NR4A1: variants seen among roughly 807,000 people sequenced by gnomAD.
The protein encoded by NR4A1 is nuclear receptor subfamily 4immunitygroup A member 1.
NR4A1 carries 24 observed loss-of-function variants against 47.5 expected under a neutral mutation model. The ratio of observed to expected loss-of-function variants is 0.50; its 90% CI spans 0.37 to 0.71. NR4A1 has a LOEUF of 0.71. NR4A1 is among the 30% of genes least tolerant of loss of function. The pLI is 0.00. For missense variants in NR4A1, 669 were observed against 788.6 expected (o/e 0.85, Z 1.82); for synonymous variants, 353 against 345.7 (o/e 1.02, Z -0.24).
In NR4A1 at chr12:52,053,946, ACCCTTCTCCCGGCCCCCACCATGCCTTC is replaced by A. The variant is rs1397126578; in HGVS notation, c.-2-377_-2-350del. ...CTTTGCTGGGCTGCCTCTCCCACTC[ACCCTTCTCCCGGCCCCCACCATGCCTTC>A]CCCATGGGGGAGGGGCAGGGGGCTG... On this transcript the variant is annotated intron_variant, in intron 1 of 6. Transcript: ENST00000394825. 12 of 218,784 alleles carry A rather than the reference ACCCTTCTCCCGGCCCCCACCATGCCTTC, an allele frequency of 5.5e-5. No individual in the cohort carries two copies. The South Asian group carries it at 9.0e-4, about 16-fold the overall frequency. 13.6% of individuals were successfully genotyped at this position (218,784 alleles called of 1,614,324 possible).
intron 1 of NR4A1, chr12:52,052,685 G>C (rs915431198): frequency 7.0e-5 from 69 of 983,464 alleles, no homozygotes; most frequent in South Asian, 1.9e-4. Context: ...CTGCATGAAG[G>C]GGGAGGGACT....
At chr12:52,034,856 AAGTCCTCCT>A (rs1180147021) in intron 1 of NR4A1, among the ~76,000 whole-genome samples, 1 of 152,218 alleles carries the variant, frequency 6.6e-6, no homozygotes, top group African/African-American at 2.4e-5. Context: ...CAAGTCCTCC[AAGTCCTCCT>A]GTATGGAAAT....
chr12:52,059,444 T>C lies in NR4A1; in HGVS notation c.*500T>C, dbSNP rs1042491810. 4 of 152,886 alleles carry C rather than the reference T, an allele frequency of 2.6e-5. No homozygotes were observed. The highest frequency in any genetic ancestry group is 7.2e-5 in the African/African-American group (3 of 41,466). The allele number at this position is 152,886 out of a possible 1,614,324, so 9.5% of individuals were successfully genotyped here. A position where few individuals can be genotyped will look rare whatever the true frequency, so the allele number is the denominator to read the frequency against. On this transcript the variant is annotated 3_prime_UTR_variant, in exon 7 of 7. Coordinates refer to ENST00000394825, the MANE Select transcript of NR4A1 (RefSeq NM_173157.3). ...TGTGTATTTTCCTGGATTTATAGTA[T>C]GTGACTTTTCTGATTAATATATTTA...
At chr12:52,058,544 T>C (rs1259639989) in intron 6 of NR4A1, 144 bp from the exon 7 acceptor site, 2 of 1,066,110 alleles carry the variant, frequency 1.9e-6, no homozygotes, top group Non-Finnish European at 2.6e-6. Context: ...TGCTTACTAA[T>C]GGCCAACATG....
At chr12:52,043,983 T>G in intron 2 of NR4A1, 2 of 1,250,116 alleles carry the variant, frequency 1.6e-6, no homozygotes, top group Non-Finnish European at 1.0e-6. Flanking sequence ...GTGACTGTCA[T>G]GCCAAACCCT....
chr12:52,023,378 T>C (rs1288050574), intron 1 of NR4A1, among the ~76,000 whole-genome samples: 1 of 151,844 alleles, frequency 6.6e-6, no homozygotes, highest in East Asian at 2.0e-4. Context: ...CCGCCGCGAG[T>C]GGGGTGGGAG....
intron 1 of NR4A1, among the ~76,000 whole-genome samples, chr12:52,023,727 C>G (rs1202335055): frequency 6.6e-6 from 1 of 152,172 alleles, no homozygotes; most frequent in Non-Finnish European, 1.5e-5. Flanking sequence ...CCCGGCCCAG[C>G]CCGTCCACCG....
At chr12:52,039,573 T>C (rs754251419) in intron 1 of NR4A1, among the ~76,000 whole-genome samples, 28 of 152,214 alleles carry the variant, frequency 1.8e-4, no homozygotes, top group Non-Finnish European at 3.4e-4. Flanking sequence ...TCTCCCCACC[T>C]AGCTGACCTT....
rs1393068383 is a variant in NR4A1, at chr12:52,056,067, C to T, written c.914C>T (p.Ala305Val). Residue 305 changes from alanine (A) to valine (V), a missense_variant, in exon 3 of 7, where the codon GCT (alanine) becomes GTT (valine). By Grantham distance (64) the Ala-to-Val change is moderately conservative. Coordinates refer to ENST00000394825, the MANE Select transcript of NR4A1 (RefSeq NM_173157.3). The stretch of plus-strand genomic sequence containing the variant: ...AAAAACGCCAAGTACATCTGCCTGG[C>T]TAACAAGGACTGCCCTGTGGACAAG... The part of the protein sequence containing the change: ...VQKNAKYICL[A>V]NKDCPVDKRR... 6.4e-7 allele frequency: 1 copy of T among 1,570,918 alleles called. No individual in the cohort carries two copies. The highest frequency in any genetic ancestry group is 1.1e-5 in the South Asian group (1 of 89,632).
At position 52,034,462 on chromosome 12, in the gene NR4A1, T is replaced by C. The variant is rs1039433539; in HGVS notation, c.-83-7348T>C. ...CTGTCTCCCCTCTGCTCCGACTCCC[T>C]GGGCCATGCACGTTGTTCACCTTTT... is the stretch of plus-strand genomic sequence containing the variant. On this transcript the variant is annotated intron_variant, in intron 1 of 7. Transcript: ENST00000360284. 3.3e-5 allele frequency among the ~76,000 whole-genome samples: 5 copies of C among 152,372 alleles called. No individual in the cohort carries two copies. The East Asian group carries it at 9.6e-4, about 29-fold the overall frequency.
At chr12:52,050,893 C>T (rs1166416826), upstream of NR4A1, among the ~76,000 whole-genome samples, 1 of 152,146 alleles carries the variant, frequency 6.6e-6, no homozygotes, top group Non-Finnish European at 1.5e-5. Flanking sequence ...GCAGCGACAC[C>T]CTAGGGCTCC....
chr12:52,046,932 A>G (rs538631871), upstream of NR4A1, among the ~76,000 whole-genome samples: 17 of 152,298 alleles, frequency 1.1e-4, no homozygotes, highest in African/African-American at 4.1e-4. Flanking sequence ...CAGTATGTGC[A>G]AAGTGGGTGG....
Position 52,052,315 on chromosome 12 carries a change from G to A in NR4A1, c.-3+747G>A, listed in dbSNP as rs1268664522. 4.6e-5 allele frequency among the ~76,000 whole-genome samples: 7 copies of A among 151,060 alleles called. 1 individual carries two copies. Among genetic ancestry groups the A allele is most frequent in the Admixed American group, 6.6e-5 (1 of 15,216 alleles). Reference sequence around the variant, plus strand: ...TGTGTGTGTGTGTGTGAGAGAGAGAGAGAGAGAGAGAGAAAGAGAGACAGA... The same window carrying A: ...TGTGTGTGTGTGTGTGAGAGAGAGAAAGAGAGAGAGAGAAAGAGAGACAGA... On this transcript the variant is annotated intron_variant, in intron 1 of 6. Transcript: ENST00000394825.
intron 1 of NR4A1, among the ~76,000 whole-genome samples, chr12:52,024,708 GAAGAA>G (rs1180607893): frequency 2.0e-5 from 3 of 151,810 alleles, no homozygotes; most frequent in African/African-American, 4.8e-5. Flanking sequence ...GAAAGAAGAA[GAAGAA>G]AAGAAAGAAA....
chr12:52,029,395 G>A (rs1283170), intron 1 of NR4A1, among the ~76,000 whole-genome samples: 47,027 of 152,114 alleles, frequency 0.31, 7,586 homozygotes, highest in East Asian at 0.51. Context: ...GGCCCCTAAT[G>A]TACTCCAGAG....
At chr12:52,046,387 T>C (rs115818747) in intron 2 of NR4A1, among the ~76,000 whole-genome samples, 3,790 of 152,166 alleles carry the variant, frequency 0.025, 159 homozygotes, top group African/African-American at 0.086. Context: ...CGGTGAGGGA[T>C]GGGTCTGAGT....
chr12:52,037,759 C>A (rs1354952483), intron 1 of NR4A1: 1 of 985,464 alleles, frequency 1.0e-6, no homozygotes, highest in East Asian at 1.1e-4. Flanking sequence ...CGCGGGAGCT[C>A]GTCTGCCAGG....
chr12:52,043,764 G>T lies in NR4A1; in HGVS notation c.37+1835G>T, dbSNP rs958940634. On this transcript the variant is annotated intron_variant, in intron 2 of 7. Coordinates refer to the NR4A1 transcript ENST00000360284. ...TCAGCTGCTGCCCAGCCTCGGCTGTGAGGATAGGCTGGCTGGGCAGCACGT... is the reference window on the plus strand; with the variant it reads ...TCAGCTGCTGCCCAGCCTCGGCTGTTAGGATAGGCTGGCTGGGCAGCACGT... The T allele has an allele frequency of 1.2e-5, 16 of 1,287,010 alleles. No homozygotes were observed. In the East Asian group the frequency reaches 8.9e-4, roughly 71 times the overall value. 79.7% of individuals were successfully genotyped at this position (1,287,010 alleles called of 1,614,324 possible).
intron 1 of NR4A1, among the ~76,000 whole-genome samples, chr12:52,029,945 C>G (rs1404131687): frequency 7.2e-5 from 11 of 152,240 alleles, no homozygotes; most frequent in Non-Finnish European, 1.3e-4. Flanking sequence ...GCCCCAGTGG[C>G]CAGCCCTCCT....
Sources: gnomAD v4.1 joint callset for allele counts (sites outside exome capture counted in the v4.1 genomes callset) on GRCh38, gnomAD v4.1.1 for gene constraint, MANE v1.5 for transcripts, NCBI Gene and HGNC (gene_info 2026-07-23, HGNC 2026-07-21) for gene names.